The following TBC1D22A variants were observed in gnomAD, a reference collection of about 807,000 sequenced individuals.
TBC1D22A encodes TBC1 domain family member 22A, also known as putative GTPase activator.
A neutral mutation model predicts 60.2 loss-of-function variants in TBC1D22A; 38 were observed. The ratio of observed to expected loss-of-function variants is 0.63; its 90% CI spans 0.49 to 0.83. The LOEUF (loss-of-function observed/expected upper bound fraction) is 0.83, where lower values mean the gene tolerates loss of function less well. Among genes scored for constraint, TBC1D22A ranks in the 40% least tolerant of loss-of-function variants. The pLI, the probability that TBC1D22A is intolerant of heterozygous loss-of-function variation, is 0.00. For synonymous variants in TBC1D22A, 302 were observed against 281.7 expected (o/e 1.07, Z -0.72); for missense variants, 628 against 701.0 (o/e 0.90, Z 1.18).
chr22:46,860,870 G>T (rs1602197255), intron 4 of TBC1D22A, among the ~76,000 whole-genome samples: 1 of 152,260 alleles, frequency 6.6e-6, no homozygotes, highest in African/African-American at 2.4e-5. Flanking sequence ...GGGTTACAGG[G>T]TGTGGGACAG....
intron 1 of TBC1D22A, 139 bp downstream of exon 1, chr22:46,762,987 G>A (rs2083153772): frequency 5.4e-6 from 4 of 737,310 alleles, no homozygotes; most frequent in Admixed American, 4.1e-5. Context: ...TGGTGTGACG[G>A]GCGTTGGGGG....
intron 7 of TBC1D22A, 140 bp downstream of exon 7, chr22:46,894,986 T>C (rs1255938415): frequency 1.2e-6 from 1 of 805,560 alleles, no homozygotes; most frequent in African/African-American, 1.7e-5. Flanking sequence ...ATCTAGCCCT[T>C]GTGGACACAG....
intron 12 of TBC1D22A, among the ~76,000 whole-genome samples, chr22:47,117,686 G>A (rs1415348201): frequency 2.0e-5 from 3 of 152,200 alleles, no homozygotes; most frequent in Non-Finnish European, 1.5e-5. Context: ...CGCCAGCTTC[G>A]TCGGAAACCT....
chr22:47,119,717 G>A (rs920984518), intron 12 of TBC1D22A, among the ~76,000 whole-genome samples: 2 of 151,988 alleles, frequency 1.3e-5, no homozygotes, highest in South Asian at 2.1e-4. Flanking sequence ...GGCTGGTCTC[G>A]AACTCCTGAC....
At chr22:47,040,665 T>G (rs2062810924) in intron 11 of TBC1D22A, among the ~76,000 whole-genome samples, 2 of 151,994 alleles carry the variant, frequency 1.3e-5, no homozygotes, top group African/African-American at 4.8e-5. Flanking sequence ...GGCGGCTGAC[T>G]TGATGGGGGG....
At chr22:47,068,959 CAT>C (rs2063867488) in intron 11 of TBC1D22A, among the ~76,000 whole-genome samples, 1 of 152,150 alleles carries the variant, frequency 6.6e-6, no homozygotes, top group African/African-American at 2.4e-5. Flanking sequence ...CGTAATTAGA[CAT>C]ATTATTTGTG....
At chr22:47,017,759 G>A (rs1422523831) in intron 10 of TBC1D22A, among the ~76,000 whole-genome samples, 1 of 152,148 alleles carries the variant, frequency 6.6e-6, no homozygotes, top group Non-Finnish European at 1.5e-5. Context: ...GTCAGAATGG[G>A]GTAAGGGGCC....
intron 11 of TBC1D22A, among the ~76,000 whole-genome samples, chr22:47,068,246 C>T (rs1027754185): frequency 4.6e-5 from 7 of 152,248 alleles, no homozygotes; most frequent in African/African-American, 1.4e-4. Context: ...GGAGAGGAGC[C>T]GTTGCCCCCA....
chr22:47,017,860 C>G (rs1024995005), intron 10 of TBC1D22A, among the ~76,000 whole-genome samples: 7 of 152,178 alleles, frequency 4.6e-5, no homozygotes, highest in African/African-American at 1.7e-4. Context: ...CACCTTCCAT[C>G]TATTATTTAA....
chr22:47,049,932 A>G (rs2063155339), intron 11 of TBC1D22A, among the ~76,000 whole-genome samples: 1 of 152,212 alleles, frequency 6.6e-6, no homozygotes, highest in South Asian at 2.1e-4. Context: ...TGTTTGGGGA[A>G]CTTGGTGGCC....
intron 12 of TBC1D22A, among the ~76,000 whole-genome samples, chr22:47,117,628 C>T (rs1337564506): frequency 6.6e-6 from 1 of 152,136 alleles, no homozygotes; most frequent in African/African-American, 2.4e-5. Flanking sequence ...CTGGCAGCGG[C>T]CGCAGGAGCG....
intron 6 of TBC1D22A, among the ~76,000 whole-genome samples, chr22:46,892,878 A>G (rs550535653): frequency 3.3e-5 from 5 of 152,352 alleles, no homozygotes; most frequent in South Asian, 4.1e-4. Context: ...CTATTTCTAC[A>G]TTAATATAGA....
intron 9 of TBC1D22A, among the ~76,000 whole-genome samples, chr22:46,974,609 G>T (rs991984093): frequency 6.6e-6 from 1 of 152,220 alleles, no homozygotes; most frequent in African/African-American, 2.4e-5. Flanking sequence ...ACGGTCACGT[G>T]TCCTGCTGAG....
At chr22:46,865,697 C>T (rs947498540) in intron 4 of TBC1D22A, among the ~76,000 whole-genome samples, 3 of 152,244 alleles carry the variant, frequency 2.0e-5, no homozygotes, top group South Asian at 2.1e-4. Flanking sequence ...TAAGACCACA[C>T]GTGTGCGTTG....
intron 8 of TBC1D22A, among the ~76,000 whole-genome samples, chr22:46,948,108 A>T (rs1045640638): frequency 2.0e-5 from 3 of 152,232 alleles, no homozygotes; most frequent in Non-Finnish European, 4.4e-5. Context: ...GGGGTATTAG[A>T]GGCGAACAGG....
In TBC1D22A at chr22:46,866,285, G is replaced by T. The variant is rs112289555; in HGVS notation, c.638-12368G>T. ...ATGCTCAGCTAATTTTTGTATTTTAGTAGAGATGGAGTTTCACCATGTTGG... is the reference window on the plus strand; with the variant it reads ...ATGCTCAGCTAATTTTTGTATTTTATTAGAGATGGAGTTTCACCATGTTGG... On this transcript the variant is annotated intron_variant, in intron 4 of 12. Coordinates refer to ENST00000337137, the MANE Select transcript of TBC1D22A (RefSeq NM_014346.5). Among the ~76,000 whole-genome samples, 1,360 of 152,182 alleles carry T rather than the reference G, an allele frequency of 8.9e-3. 17 individuals carry two copies. Among genetic ancestry groups the T allele is most frequent in the African/African-American group, 0.031 (1,290 of 41,514 alleles).
At chr22:46,841,618 T>A (rs902405339) in intron 4 of TBC1D22A, among the ~76,000 whole-genome samples, 5 of 152,200 alleles carry the variant, frequency 3.3e-5, no homozygotes, top group Non-Finnish European at 7.4e-5. Context: ...ATCTTCCTTA[T>A]ATGTGGAATC....
At chr22:46,860,807 T>C (rs1461281998) in intron 4 of TBC1D22A, among the ~76,000 whole-genome samples, 1 of 152,156 alleles carries the variant, frequency 6.6e-6, no homozygotes, top group Non-Finnish European at 1.5e-5. Flanking sequence ...GCAGGACAGG[T>C]CCTCTCGGGC....
At chr22:46,876,960 C>G (rs1230491637) in intron 4 of TBC1D22A, among the ~76,000 whole-genome samples, 1 of 152,260 alleles carries the variant, frequency 6.6e-6, no homozygotes, top group African/African-American at 2.4e-5. Context: ...TGAACCATCC[C>G]TCCTTCATTC....
Sources: gnomAD v4.1 joint callset for allele counts (sites outside exome capture counted in the v4.1 genomes callset) on GRCh38, gnomAD v4.1.1 for gene constraint, MANE v1.5 for transcripts, NCBI Gene and HGNC (gene_info 2026-07-23, HGNC 2026-07-21) for gene names.